Variants in SREK1 observed in about 807,000 individuals in gnomAD.
SREK1 encodes the protein splicing regulatory glutamine/lysine-rich protein 1.
A neutral mutation model predicts 66.5 loss-of-function variants in SREK1; 13 were observed. That is an observed-to-expected ratio of 0.20 (90% CI 0.13 to 0.31). The LOEUF is 0.31. Ranked by LOEUF, SREK1 falls within the 10% of genes least tolerant of loss-of-function variation. SREK1 has a pLI of 1.00. For synonymous variants in SREK1, 265 were observed against 263.5 expected (o/e 1.01, Z -0.05); for missense variants, 607 against 769.6 (o/e 0.79, Z 2.50).
At chr5:66,149,600 T>G (rs1224102423) in intron 1 of SREK1, among the ~76,000 whole-genome samples, 2 of 152,206 alleles carry the variant, frequency 1.3e-5, no homozygotes, top group Non-Finnish European at 2.9e-5. Context: ...TTTGGAAATG[T>G]GGTTTTAGTT....
At chr5:66,174,863 C>T in intron 9 of SREK1, 83 bp from the exon 10 acceptor site, 1 of 1,275,600 alleles carries the variant, frequency 7.8e-7, no homozygotes, top group Non-Finnish European at 1.1e-6. Context: ...ATGAGAATAT[C>T]AAGGACCCTT....
intron 2 of SREK1, chr5:66,156,947 T>C: frequency 1.0e-6 from 1 of 985,066 alleles, no homozygotes; most frequent in Non-Finnish European, 1.2e-6. Context: ...TTGAGGAGTA[T>C]AGTTTGGGAA....
intron 7 of SREK1, chr5:66,166,657 C>T (rs937643653): frequency 2.0e-5 from 3 of 151,924 alleles, no homozygotes; most frequent in South Asian, 4.1e-4. Flanking sequence ...TTTGTAGAAA[C>T]GGGGTTTTAT....
intron 9 of SREK1, among the ~76,000 whole-genome samples, chr5:66,174,242 A>G (rs555846900): frequency 4.6e-4 from 70 of 152,260 alleles, no homozygotes; most frequent in African/African-American, 1.6e-3. Context: ...TCTGATAAGC[A>G]AAATGGTTTT....
intron 10 of SREK1, 43 bp from the exon 11 acceptor site, chr5:66,177,471 T>TA: frequency 6.9e-7 from 1 of 1,449,448 alleles, no homozygotes; most frequent in Non-Finnish European, 9.3e-7. Flanking sequence ...TAATAGATCT[T>TA]ACAATTTCTT....
At position 66,164,796 on chromosome 5, in the gene SREK1, C is replaced by T; in HGVS notation, c.900C>T (p.Ser300=). 1 of 1,613,970 alleles carries T rather than the reference C, an allele frequency of 6.2e-7. No individual in the cohort carries two copies. Residue 300 remains serine, a synonymous_variant, in exon 7 of 12, where the codon AGC becomes AGT. Coordinates refer to ENST00000334121, the MANE Select transcript of SREK1 (RefSeq NM_001077199.3). ...SAAIEPESGK[S]NERKGGRSRS... is the part of the protein sequence containing the mutation. ...TTTTCCTCCCAGAGTCTGGAAAGAG[C>T]AATGAAAGAAAAGGCGGTCGATCTC...
Position 66,178,950 on chromosome 5 carries a change from G to C in SREK1, c.*82G>C. ...CTCTCAACAAGATGTAAACAGGAAA[G>C]AAATCTAGTTGAGCATGAAGATAGG... On this transcript the variant is annotated 3_prime_UTR_variant, in exon 12 of 12. Transcript: ENST00000334121. 7.2e-7 allele frequency: 1 copy of C among 1,380,808 alleles called. No individual in the cohort carries two copies. Among genetic ancestry groups the C allele is most frequent in the East Asian group, 2.5e-5 (1 of 39,882 alleles). 85.5% of individuals were successfully genotyped at this position (1,380,808 alleles called of 1,614,324 possible).
chr5:66,161,343 C>T (rs1020863549), intron 3 of SREK1, among the ~76,000 whole-genome samples: 2 of 152,254 alleles, frequency 1.3e-5, no homozygotes, highest in South Asian at 2.1e-4. Flanking sequence ...TGTGGTCGTT[C>T]GTGGACATAC....
chr5:66,175,039 G>GAGGT lies in SREK1; in HGVS notation c.1580+3_1580+6dup. 2 of 1,610,614 alleles carry GAGGT rather than the reference G, an allele frequency of 1.2e-6. No homozygotes were observed. Among genetic ancestry groups the GAGGT allele is most frequent in the Non-Finnish European group, 8.5e-7 (1 of 1,178,214 alleles). ...AATCTTCTAGATCTCCGTCCCCCAG[G>GAGGT]AGGTAGGTTGGGAGCTTGTGCTAAA... is the stretch of plus-strand genomic sequence containing the variant. On this transcript the variant is annotated frameshift_variant and splice_region_variant, in exon 10 of 12. Transcript: ENST00000334121. LOFTEE classifies it high-confidence loss of function.
At chr5:66,170,006 G>T (rs762076441) in intron 7 of SREK1, 45 bp from the exon 8 acceptor site, 19 of 1,432,892 alleles carry the variant, frequency 1.3e-5, no homozygotes, top group Non-Finnish European at 1.8e-5. Context: ...TTGTTTGAAA[G>T]ATCGTAAATT....
At chr5:66,146,026 T>G (rs940086790) in intron 1 of SREK1, among the ~76,000 whole-genome samples, 4 of 151,932 alleles carry the variant, frequency 2.6e-5, no homozygotes, top group Non-Finnish European at 5.9e-5. Flanking sequence ...GTGACGAGAT[T>G]CAGGTAATAC....
At position 66,163,775 on chromosome 5, in the gene SREK1, T is replaced by C. The variant is rs759767164; in HGVS notation, c.756-17T>C. On this transcript the variant is annotated splice_polypyrimidine_tract_variant and intron_variant, in intron 5 of 11. Transcript: ENST00000334121. ...AATGTGGTGTGTATTTGTGATATGC[T>C]AATATTTTTAATTTAGAATAAATCA... 5 of 1,604,954 alleles carry C rather than the reference T, an allele frequency of 3.1e-6. No homozygotes were observed. In the South Asian group the frequency reaches 5.6e-5, roughly 18 times the overall value.
intron 9 of SREK1, among the ~76,000 whole-genome samples, chr5:66,173,700 T>A (rs544179452): frequency 6.6e-6 from 1 of 152,364 alleles, no homozygotes; most frequent in South Asian, 2.1e-4. Flanking sequence ...GTAAAAGAAT[T>A]ACACTGATAA....
chr5:66,145,232 C>T, intron 1 of SREK1: 2 of 932,614 alleles, frequency 2.1e-6, no homozygotes, highest in Non-Finnish European at 1.3e-6. Flanking sequence ...AAGTCCAGAT[C>T]TTGGCTGGCA....
rs1746502613 is a variant in SREK1 at position 66,181,744 on chromosome 5, C to G, written c.*2876C>G. 6.6e-6 allele frequency: 1 copy of G among 152,078 alleles called. No individual in the cohort carries two copies. The highest frequency in any genetic ancestry group is 1.5e-5 in the Non-Finnish European group (1 of 68,014). The allele number at this position is 152,078 out of a possible 1,614,324, so 9.4% of individuals were successfully genotyped here. ...TTTCTATCTAATTAGCTTATAATTG[C>G]AAACACTAGTCAGCTTGTGATCTCT... On this transcript the variant is annotated 3_prime_UTR_variant, in exon 12 of 12. Transcript: ENST00000334121.
chr5:66,161,682 G>T (rs575903286), intron 3 of SREK1, among the ~76,000 whole-genome samples: 1 of 152,256 alleles, frequency 6.6e-6, no homozygotes, highest in Non-Finnish European at 1.5e-5. Flanking sequence ...AACAGCTAAG[G>T]TGTCTTTAAA....
At chr5:66,160,151 A>G (rs1288936386) in intron 3 of SREK1, among the ~76,000 whole-genome samples, 3 of 152,130 alleles carry the variant, frequency 2.0e-5, no homozygotes, top group East Asian at 1.9e-4. Flanking sequence ...GTATATTACT[A>G]TTACTGGTTC....
chr5:66,162,327 C>A (rs1004575221), intron 4 of SREK1, 54 bp downstream of exon 4: 41 of 1,604,692 alleles, frequency 2.6e-5, no homozygotes, highest in South Asian at 4.5e-5. Context: ...TTTTTCTCTT[C>A]TTAAAAATCA....
Position 66,175,036 on chromosome 5 carries a change from C to T in SREK1, c.1575C>T (p.Pro525=), listed in dbSNP as rs1457539188. The change falls in exon 10 of 12, where the codon CCC becomes CCT. Residue 525 remains proline (P), a synonymous_variant. Transcript: ENST00000334121. The part of the protein sequence containing the change: ...IKRKSSRSPS[P]RSRNKKDKKR... ...GGAAATCTTCTAGATCTCCGTCCCC[C>T]AGGAGGTAGGTTGGGAGCTTGTGCT... is the stretch of plus-strand genomic sequence containing the variant. The T allele has an allele frequency of 3.7e-6, 6 of 1,610,808 alleles. No individual in the cohort carries two copies. The highest frequency in any genetic ancestry group is 1.7e-5 in the Admixed American group (1 of 59,796).
Sources: gnomAD v4.1 joint callset for allele counts (sites outside exome capture counted in the v4.1 genomes callset) on GRCh38, gnomAD v4.1.1 for gene constraint, MANE v1.5 for transcripts, NCBI Gene and HGNC (gene_info 2026-07-23, HGNC 2026-07-21) for gene names.